Variants in CNTLN observed in about 807,000 individuals in gnomAD.
The protein encoded by CNTLN is centlein.
CNTLN carries 212 observed loss-of-function variants against 180.0 expected under a neutral mutation model. The ratio of observed to expected loss-of-function variants is 1.18; its 90% confidence interval spans 1.05 to 1.32. The LOEUF (loss-of-function observed/expected upper bound fraction) is 1.32. Ranked by LOEUF, CNTLN falls within the 40% of genes most tolerant of loss-of-function variation. The probability of loss-of-function intolerance (pLI) is 0.00; values close to 1 mark genes in which losing one functional copy is unlikely to be tolerated. For synonymous variants in CNTLN, 722 were observed against 563.1 expected (o/e 1.28, Z -3.99); for missense variants, 2,095 against 1,610.9 (o/e 1.30, Z -5.14).
chr9:17,143,711 T>C (rs16935364), intron 2 of CNTLN, among the ~76,000 whole-genome samples: 5,785 of 152,290 alleles, frequency 0.038, 366 homozygotes, highest in African/African-American at 0.13. Context: ...TTTTACTCCA[T>C]GGACTGCCTC....
intron 23 of CNTLN, 101 bp downstream of exon 23, chr9:17,466,992 C>T (rs1023483744): frequency 5.6e-6 from 4 of 711,892 alleles, no homozygotes. Flanking sequence ...TTCTGCTTTC[C>T]TAACACAGAA....
intron 6 of CNTLN, among the ~76,000 whole-genome samples, chr9:17,290,082 G>A (rs568387952): frequency 4.2e-4 from 64 of 152,230 alleles, no homozygotes; most frequent in African/African-American, 1.2e-3. Flanking sequence ...GAGGAGAGGC[G>A]CTCTGCATTT....
chr9:17,472,939 C>T (rs1832110731), intron 23 of CNTLN, among the ~76,000 whole-genome samples: 1 of 152,084 alleles, frequency 6.6e-6, no homozygotes, highest in Non-Finnish European at 1.5e-5. Flanking sequence ...CCCACTGTGC[C>T]CTTACTTCCC....
At chr9:17,475,839 C>T (rs1046031919) in intron 23 of CNTLN, among the ~76,000 whole-genome samples, 1 of 145,608 alleles carries the variant, frequency 6.9e-6, no homozygotes, top group African/African-American at 2.6e-5. Context: ...CGCCACTGCA[C>T]TCCAGCCTGG....
chr9:17,268,164 GT>G (rs1368034261), intron 5 of CNTLN, among the ~76,000 whole-genome samples: 1 of 152,100 alleles, frequency 6.6e-6, no homozygotes, highest in African/African-American at 2.4e-5. Context: ...CATCTTTGTG[GT>G]TTTATCTACT....
intron 6 of CNTLN, among the ~76,000 whole-genome samples, chr9:17,290,828 G>A (rs1451554934): frequency 3.3e-5 from 5 of 152,132 alleles, no homozygotes; most frequent in Admixed American, 6.5e-5. Flanking sequence ...CTGATCCCTC[G>A]CGCTTCCCAG....
intron 2 of CNTLN, among the ~76,000 whole-genome samples, chr9:17,152,284 T>C (rs543129636): frequency 1.3e-4 from 20 of 152,344 alleles, no homozygotes; most frequent in African/African-American, 4.1e-4. Context: ...TCCTGCTTTG[T>C]CTTGTGGGCA....
intron 2 of CNTLN, among the ~76,000 whole-genome samples, chr9:17,180,976 T>G (rs2131727672): frequency 6.6e-6 from 1 of 152,320 alleles, no homozygotes; most frequent in East Asian, 1.9e-4. Context: ...CTTCAAGATT[T>G]TTTCTTAGTT....
At chr9:17,366,954 TAGA>T (rs1286220369) in intron 13 of CNTLN, among the ~76,000 whole-genome samples, 1 of 152,088 alleles carries the variant, frequency 6.6e-6, no homozygotes, top group African/African-American at 2.4e-5. Context: ...GATGGCCAAA[TAGA>T]AGACTTTATG....
At chr9:17,423,180 A>G (rs1216116197) in intron 18 of CNTLN, among the ~76,000 whole-genome samples, 1 of 152,142 alleles carries the variant, frequency 6.6e-6, no homozygotes, top group Non-Finnish European at 1.5e-5. Context: ...GAAGCTAGCA[A>G]CATAGTGGTT....
chr9:17,509,436 C>T, the CNTLN span, among the ~76,000 whole-genome samples: 2 of 152,210 alleles, frequency 1.3e-5, no homozygotes, highest in African/African-American at 4.8e-5. Flanking sequence ...TTATCCACCA[C>T]CATGGCATTG....
intron 5 of CNTLN, among the ~76,000 whole-genome samples, chr9:17,267,626 C>T (rs933892617): frequency 6.6e-6 from 1 of 152,052 alleles, no homozygotes; most frequent in African/African-American, 2.4e-5. Context: ...TAATATCCTG[C>T]AGAGTGTTTT....
Position 17,235,655 on chromosome 9 carries a change from CAG to C in CNTLN, c.539_540del, listed in dbSNP as rs753175528. On this transcript the variant is annotated splice_acceptor_variant, in intron 3 of 25. Transcript: ENST00000380647. LOFTEE classifies it high-confidence loss of function. ...CACCAGTAATTTAAATTTTTTTCCA[CAG>C]AGAGAGTCAGTACTGAAACAGGAAA... 6.4e-5 allele frequency: 100 copies of C among 1,558,382 alleles called. No homozygotes were observed. Among genetic ancestry groups the C allele is most frequent in the Non-Finnish European group, 8.4e-5 (98 of 1,159,956 alleles).
intron 15 of CNTLN, among the ~76,000 whole-genome samples, chr9:17,402,384 A>G (rs1349201648): frequency 6.6e-6 from 1 of 151,816 alleles, no homozygotes; most frequent in Admixed American, 6.6e-5. Flanking sequence ...TGTCCGGAGA[A>G]AAGAAAAATA....
chr9:17,162,265 C>G (rs1266942488), intron 2 of CNTLN, among the ~76,000 whole-genome samples: 1 of 152,268 alleles, frequency 6.6e-6, no homozygotes, highest in Admixed American at 6.5e-5. Flanking sequence ...CAGACACCCA[C>G]CACCGTGCCC....
rs139703585 is a variant in CNTLN, at chr9:17,452,182, G to A, written c.3115-5342G>A. ...ATGATTTTCTCAGCTTTTTTTCTAC[G>A]CCCTTTATTTCTCATTATTGGGCCT... On this transcript the variant is annotated intron_variant, in intron 18 of 25. Transcript: ENST00000380647. 8.6e-3 allele frequency among the ~76,000 whole-genome samples: 1,305 copies of A among 152,074 alleles called. 51 individuals are homozygous for A. The highest frequency in any genetic ancestry group is 0.074 in the Admixed American group (1,130 of 15,262).
At chr9:17,389,083 G>A (rs963491895) in intron 14 of CNTLN, among the ~76,000 whole-genome samples, 9 of 151,770 alleles carry the variant, frequency 5.9e-5, no homozygotes, top group African/African-American at 2.2e-4. Context: ...TATTAACATA[G>A]TAACTTATAT....
chr9:17,163,408 G>A (rs150999896), intron 2 of CNTLN, among the ~76,000 whole-genome samples: 142 of 152,298 alleles, frequency 9.3e-4, no homozygotes, highest in Middle Eastern at 3.4e-3. Flanking sequence ...AGTACAAGTT[G>A]ATACTGTGTT....
chr9:17,408,148 A>G (rs1827549237), intron 15 of CNTLN, among the ~76,000 whole-genome samples: 1 of 150,150 alleles, frequency 6.7e-6, no homozygotes, highest in African/African-American at 2.5e-5. Context: ...AAAAAAAAAA[A>G]AAAAGACCAA....
Sources: gnomAD v4.1 joint callset for allele counts (sites outside exome capture counted in the v4.1 genomes callset) on GRCh38, gnomAD v4.1.1 for gene constraint, MANE v1.5 for transcripts, NCBI Gene and HGNC (gene_info 2026-07-23, HGNC 2026-07-21) for gene names.